The following FAM227B variants were observed in gnomAD, a reference collection of about 807,000 sequenced individuals.
The protein encoded by FAM227B is protein FAM227B.
FAM227B carries 88 observed loss-of-function variants against 73.8 expected under a neutral mutation model. That is an observed-to-expected ratio of 1.19 (90% CI 1.00 to 1.42). FAM227B has a LOEUF of 1.42. Among genes scored for constraint, FAM227B ranks in the 40% most tolerant of loss-of-function variants. The pLI, the probability that FAM227B is intolerant of heterozygous loss-of-function variation, is 0.00. For missense variants in FAM227B, 632 were observed against 590.9 expected (o/e 1.07, Z -0.72); for synonymous variants, 210 against 190.5 (o/e 1.10, Z -0.84).
intron 11 of FAM227B, among the ~76,000 whole-genome samples, chr15:49,474,701 G>C (rs2055084354): frequency 6.6e-6 from 1 of 152,160 alleles, no homozygotes. Flanking sequence ...GGCAGAGCAG[G>C]AGATGAGCTG....
chr15:49,468,460 T>C (rs2054458820), intron 11 of FAM227B, among the ~76,000 whole-genome samples: 1 of 152,224 alleles, frequency 6.6e-6, no homozygotes, highest in East Asian at 1.9e-4. Context: ...TCCAAGGTTC[T>C]GACTTAAATC....
chr15:49,400,669 C>G (rs1165837155), intron 11 of FAM227B, among the ~76,000 whole-genome samples: 5 of 139,932 alleles, frequency 3.6e-5, no homozygotes, highest in African/African-American at 1.4e-4. Context: ...ATCAATGGAA[C>G]AGAACAGAGC....
chr15:49,455,450 T>C (rs1475322100), intron 11 of FAM227B, among the ~76,000 whole-genome samples: 2 of 152,158 alleles, frequency 1.3e-5, no homozygotes, highest in Non-Finnish European at 2.9e-5. Flanking sequence ...TCTTAAGTAA[T>C]AAAATTGTAG....
intron 3 of FAM227B, among the ~76,000 whole-genome samples, chr15:49,610,905 A>C (rs1304037785): frequency 6.6e-6 from 1 of 152,192 alleles, no homozygotes; most frequent in Non-Finnish European, 1.5e-5. Context: ...TGAGATAAGT[A>C]AGCATAACTG....
intron 3 of FAM227B, among the ~76,000 whole-genome samples, chr15:49,598,447 T>C (rs2077007159): frequency 6.6e-6 from 1 of 152,042 alleles, no homozygotes; most frequent in Admixed American, 6.5e-5. Context: ...GGTTTGTTTC[T>C]TTGTTTTCTA....
chr15:49,441,745 C>T (rs1181319217), intron 11 of FAM227B, among the ~76,000 whole-genome samples: 1 of 151,414 alleles, frequency 6.6e-6, no homozygotes. Flanking sequence ...CTTTATTACA[C>T]ATTTTCATAA....
At chr15:49,514,477 T>A (rs189388344) in intron 10 of FAM227B, among the ~76,000 whole-genome samples, 109 of 152,282 alleles carry the variant, frequency 7.2e-4, no homozygotes, top group African/African-American at 2.6e-3. Flanking sequence ...AAGTTACTTA[T>A]CAGCTTAAGG....
intron 11 of FAM227B, among the ~76,000 whole-genome samples, chr15:49,463,021 C>T (rs989813375): frequency 6.6e-6 from 1 of 152,138 alleles, no homozygotes; most frequent in African/African-American, 2.4e-5. Context: ...TCTTAAATCA[C>T]TCAAAATAGA....
chr15:49,483,929 G>A (rs2056175616), intron 11 of FAM227B, among the ~76,000 whole-genome samples: 1 of 152,026 alleles, frequency 6.6e-6, no homozygotes, highest in African/African-American at 2.4e-5. Context: ...TCACCTGAGG[G>A]AGGCAGAGGT....
chr15:49,338,335 C>G (rs1163892016), intron 13 of FAM227B, among the ~76,000 whole-genome samples: 1 of 152,180 alleles, frequency 6.6e-6, no homozygotes, highest in African/African-American at 2.4e-5. Context: ...GTGACAAAAT[C>G]TCTCAGCATT....
At position 49,328,309 on chromosome 15, in the gene FAM227B, A is replaced by G; in HGVS notation, c.*259T>C. On this transcript the variant is annotated 3_prime_UTR_variant, in exon 16 of 16. Transcript: ENST00000299338. ...ATATATTTTCAAAGAAATGGTTGAA[A>G]GCTCTCTATGCTTCATAATGATTCT... is the stretch of plus-strand genomic sequence containing the variant. 7.0e-7 allele frequency: 1 copy of G among 1,436,144 alleles called. No individual in the cohort carries two copies. Among genetic ancestry groups the G allele is most frequent in the Non-Finnish European group, 9.1e-7 (1 of 1,098,780 alleles). 89.0% of individuals were successfully genotyped at this position (1,436,144 alleles called of 1,614,324 possible).
Position 49,408,850 on chromosome 15 carries a change from AGGGG to A in FAM227B, c.1013-37455_1013-37452del, listed in dbSNP as rs2048692570. On this transcript the variant is annotated intron_variant, in intron 11 of 15. Coordinates refer to ENST00000299338, the MANE Select transcript of FAM227B (RefSeq NM_152647.3). ...TTGTGGTGGTTTTTTCTGGGGGTGG[AGGGG>A]TGGGGTTATATCACCATGGCATTTA... Among the ~76,000 whole-genome samples the A allele has an allele frequency of 2.8e-5, 4 of 141,930 alleles. No homozygotes were observed. In the South Asian group the frequency reaches 8.9e-4, roughly 32 times the overall value. 93.1% of individuals were successfully genotyped at this position (141,930 alleles called of 152,430 possible). A position where few individuals can be genotyped will look rare whatever the true frequency, so the allele number is the denominator to read the frequency against.
intron 13 of FAM227B, among the ~76,000 whole-genome samples, chr15:49,346,273 A>G (rs903050827): frequency 6.6e-6 from 1 of 152,198 alleles, no homozygotes; most frequent in Non-Finnish European, 1.5e-5. Context: ...CCTTTTGACC[A>G]TGGAGGGCCA....
At chr15:49,420,572 T>C (rs1396235555) in intron 11 of FAM227B, among the ~76,000 whole-genome samples, 1 of 152,066 alleles carries the variant, frequency 6.6e-6, no homozygotes, top group African/African-American at 2.4e-5. Context: ...ATAAAAAGAA[T>C]TATCTATGTT....
chr15:49,591,045 ATTTT>A (rs748799826), intron 3 of FAM227B, among the ~76,000 whole-genome samples: 1 of 72,564 alleles, frequency 1.4e-5, no homozygotes. Flanking sequence ...TTTTTTTTTG[ATTTT>A]TTTTTTTTTT....
At chr15:49,435,753 T>C (rs1187076911) in intron 11 of FAM227B, among the ~76,000 whole-genome samples, 1 of 151,544 alleles carries the variant, frequency 6.6e-6, no homozygotes, top group Non-Finnish European at 1.5e-5. Context: ...TTTATGATGT[T>C]TTGAAGTACT....
chr15:49,519,694 GC>G (rs768032091), intron 10 of FAM227B, among the ~76,000 whole-genome samples: 132 of 152,256 alleles, frequency 8.7e-4, no homozygotes, highest in Non-Finnish European at 1.6e-3. Flanking sequence ...CCTGGACCCA[GC>G]CCACAAAACC....
intron 15 of FAM227B, 26 bp downstream of exon 15, chr15:49,331,754 C>T (rs1343421957): frequency 1.4e-6 from 2 of 1,393,458 alleles, no homozygotes; most frequent in Non-Finnish European, 2.0e-6. Context: ...AGAGAATTCT[C>T]AATTATTTTC....
intron 11 of FAM227B, among the ~76,000 whole-genome samples, chr15:49,503,594 C>G (rs1248350335): frequency 6.6e-6 from 1 of 152,088 alleles, no homozygotes; most frequent in Non-Finnish European, 1.5e-5. Flanking sequence ...AAACAAACAA[C>G]CCCATCAAAA....
Sources: allele counts gnomAD v4.1 joint callset (sites outside exome capture counted in the v4.1 genomes callset), GRCh38; gene constraint gnomAD v4.1.1; transcripts MANE v1.5; gene names NCBI Gene and HGNC (gene_info 2026-07-23, HGNC 2026-07-21).